NDUFAF6: variants seen among roughly 807,000 people sequenced by gnomAD.
NDUFAF6 encodes NADH dehydrogenase (ubiquinone) complex I, assembly factor 6.
Under a neutral mutation model 40.8 loss-of-function variants are expected in NDUFAF6, and 45 were observed. The observed-to-expected ratio is 1.10, with a 90% CI of 0.87 to 1.42. The LOEUF is 1.42. Among genes scored for constraint, NDUFAF6 ranks in the 40% most tolerant of loss-of-function variants. NDUFAF6 has a pLI of 0.00. For synonymous variants in NDUFAF6, 185 were observed against 155.9 expected, an observed-to-expected ratio of 1.19 and a Z score of -1.39; for missense variants, 435 against 418.5, an observed-to-expected ratio of 1.04 and a Z score of -0.34.
At chr8:95,093,849 A>T (rs145442009) in intron 2 of NDUFAF6, among the ~76,000 whole-genome samples, 38 of 152,384 alleles carry the variant, frequency 2.5e-4, no homozygotes, top group African/African-American at 8.4e-4. Context: ...TAGTGGTATG[A>T]TTGCCACACA....
downstream of NDUFAF6, among the ~76,000 whole-genome samples, chr8:95,104,001 C>T (rs964999984): frequency 6.6e-6 from 1 of 152,090 alleles, no homozygotes; most frequent in African/African-American, 2.4e-5. Flanking sequence ...CCAACCACTG[C>T]TTCTTCGGGT....
rs771090499 is a variant in NDUFAF6, at chr8:95,047,072, C to A, written c.659C>A (p.Thr220Lys). The change falls in exon 6 of 9, where the codon ACA becomes AAA. Residue 220 changes from threonine to lysine, a missense_variant. Thr to Lys is a moderately conservative substitution (Grantham distance 78). Transcript: ENST00000396124. ...AQGIVTCLRA[T>K]PYHGSRRKVF... is the part of the protein sequence containing the mutation. ...GGCATTGTCACTTGCTTGAGAGCAA[C>A]ACCATATCATGGGAGCAGAAGAAAG... 1.2e-6 allele frequency: 2 copies of A among 1,614,166 alleles called. No individual in the cohort carries two copies. The highest frequency in any genetic ancestry group is 2.2e-5 in the South Asian group (2 of 91,086).
At chr8:94,950,694 T>G (rs556000453) in intron 2 of NDUFAF6, 8 of 152,206 alleles carry the variant, frequency 5.3e-5, no homozygotes, top group Non-Finnish European at 1.0e-4. Flanking sequence ...ATTTTAGGTT[T>G]TTGCAAATCA....
intron 2 of NDUFAF6, among the ~76,000 whole-genome samples, chr8:94,982,749 A>G (rs1217646733): frequency 1.4e-4 from 21 of 152,266 alleles, no homozygotes; most frequent in Admixed American, 1.4e-3. Context: ...TAGAGCATGC[A>G]TGTAATAGAA....
chr8:94,940,361 G>T, intron 1 of NDUFAF6: 1 of 942,252 alleles, frequency 1.1e-6, no homozygotes, highest in South Asian at 1.8e-5. Context: ...ATTAGCTGAT[G>T]CTCACGTATC....
chr8:95,070,838 ACT>A (rs1832824890), intron 9 of NDUFAF6, among the ~76,000 whole-genome samples: 1 of 150,522 alleles, frequency 6.6e-6, no homozygotes, highest in Admixed American at 6.6e-5. Flanking sequence ...AAACAGAAAA[ACT>A]CTCTATTGGT....
chr8:94,949,387 G>T (rs1488896852), intron 2 of NDUFAF6: 6 of 151,124 alleles, frequency 4.0e-5, no homozygotes, highest in East Asian at 1.9e-4. Flanking sequence ...ACAGCTGATC[G>T]GCCGCTCCGC....
At chr8:94,981,237 C>T (rs1016231949) in intron 2 of NDUFAF6, among the ~76,000 whole-genome samples, 11 of 152,174 alleles carry the variant, frequency 7.2e-5, no homozygotes, top group African/African-American at 2.4e-4. Flanking sequence ...TAAAGCAAGG[C>T]TGCCTTTTGC....
At chr8:95,114,179 A>AAAC (rs1174034078) in intron 4 of NDUFAF6, among the ~76,000 whole-genome samples, 2 of 57,310 alleles carry the variant, frequency 3.5e-5, no homozygotes, top group African/African-American at 1.6e-4. Flanking sequence ...AACAAACAAA[A>AAAC]AATGAATGGT....
At chr8:95,043,411 C>T (rs867794724) in intron 4 of NDUFAF6, among the ~76,000 whole-genome samples, 10 of 151,410 alleles carry the variant, frequency 6.6e-5, no homozygotes, top group Admixed American at 1.3e-4. Context: ...AGATGTGATA[C>T]CAAAGGCACA....
chr8:94,982,176 G>A (rs1037914332), intron 2 of NDUFAF6, among the ~76,000 whole-genome samples: 1 of 151,946 alleles, frequency 6.6e-6, no homozygotes, highest in Non-Finnish European at 1.5e-5. Flanking sequence ...AGCTTGCAGT[G>A]AGCTGAGATC....
At chr8:95,000,979 A>G (rs2131642302) in intron 2 of NDUFAF6, among the ~76,000 whole-genome samples, 1 of 143,684 alleles carries the variant, frequency 7.0e-6, no homozygotes, top group Admixed American at 7.0e-5. Flanking sequence ...TTTTTGAGAC[A>G]GGGTCTCGCT....
At chr8:94,942,090 G>A (rs959107077) in intron 1 of NDUFAF6, among the ~76,000 whole-genome samples, 1 of 151,268 alleles carries the variant, frequency 6.6e-6, no homozygotes, top group East Asian at 1.9e-4. Context: ...TGGAGTGCAT[G>A]CAGTGAGGCG....
At chr8:94,930,240 T>C in intron 1 of NDUFAF6, 2 of 523,844 alleles carry the variant, frequency 3.8e-6, no homozygotes, top group South Asian at 5.5e-5. Flanking sequence ...GTAATTATAT[T>C]GATATGTTTC....
upstream of NDUFAF6, among the ~76,000 whole-genome samples, chr8:94,953,519 C>A (rs920414909): frequency 6.6e-6 from 1 of 152,176 alleles, no homozygotes; most frequent in South Asian, 2.1e-4. Flanking sequence ...GTTCTTGGGG[C>A]GGTTGTCAGA....
intron 1 of NDUFAF6, among the ~76,000 whole-genome samples, chr8:94,960,712 T>C (rs879511905): frequency 3.9e-5 from 6 of 152,240 alleles, no homozygotes; most frequent in Admixed American, 3.9e-4. Flanking sequence ...TATGTCCTCT[T>C]TCCTCTCATG....
chr8:95,107,181 T>C (rs1398816898), downstream of NDUFAF6, among the ~76,000 whole-genome samples: 6 of 152,188 alleles, frequency 3.9e-5, no homozygotes. Flanking sequence ...GACACATGCA[T>C]GCATATGTTT....
rs71503480 is a variant in NDUFAF6, at chr8:95,087,080, TAAA to T, written n.213+11332_213+11334del. Among the ~76,000 whole-genome samples, 896 of 134,598 alleles carry T rather than the reference TAAA, an allele frequency of 6.7e-3. 2 individuals carry two copies. Among genetic ancestry groups the T allele is most frequent in the African/African-American group, 0.014 (499 of 36,296 alleles). The allele number at this position is 134,598 out of a possible 152,430, so 88.3% of individuals were successfully genotyped here. Reference sequence around the variant, plus strand: ...ACAACTTTTCTTTTGCCTTTTTTTTTAAAAAATTCTGCATGGTGCATATTTTTG... The same window carrying T: ...ACAACTTTTCTTTTGCCTTTTTTTTTAAATTCTGCATGGTGCATATTTTTG... On this transcript the variant is annotated intron_variant and non_coding_transcript_variant, in intron 2 of 5. Transcript: ENST00000523184.
chr8:94,921,787 T>G (rs1302403731), intron 1 of NDUFAF6, among the ~76,000 whole-genome samples: 4 of 152,134 alleles, frequency 2.6e-5, no homozygotes, highest in Non-Finnish European at 5.9e-5. Context: ...TCACAGGAGC[T>G]CAAATAGGGC....
Sources: allele counts gnomAD v4.1 joint callset (sites outside exome capture counted in the v4.1 genomes callset), GRCh38; gene constraint gnomAD v4.1.1; transcripts MANE v1.5; gene names NCBI Gene and HGNC (gene_info 2026-07-23, HGNC 2026-07-21).